The following HHAT variants were observed in gnomAD, a reference collection of about 807,000 sequenced individuals.
HHAT encodes hedgehog acyltransferase.
A neutral mutation model predicts 70.8 loss-of-function variants in HHAT; 47 were observed. That is an observed-to-expected ratio of 0.66 (90% CI 0.53 to 0.85). The LOEUF (loss-of-function observed/expected upper bound fraction) is 0.85, where lower values mean the gene tolerates loss of function less well. Among genes scored for constraint, HHAT ranks in the 40% least tolerant of loss-of-function variants. The probability of loss-of-function intolerance (pLI) is 0.00; values close to 1 mark genes in which losing one functional copy is unlikely to be tolerated. For synonymous variants in HHAT, 228 were observed against 247.6 expected (o/e 0.92, Z 0.74); for missense variants, 609 against 604.8 (o/e 1.01, Z -0.07).
At chr1:210,618,322 G>T (rs1668161831) in intron 10 of HHAT, among the ~76,000 whole-genome samples, 1 of 152,052 alleles carries the variant, frequency 6.6e-6, no homozygotes. Flanking sequence ...TCTGTGGGGT[G>T]TTCACCCCTC....
intron 11 of HHAT, among the ~76,000 whole-genome samples, chr1:210,655,891 C>T (rs1676295597): frequency 6.6e-6 from 1 of 152,022 alleles, no homozygotes; most frequent in Non-Finnish European, 1.5e-5. Context: ...GATTTGAAGA[C>T]CTATATTTTA....
chr1:210,377,965 A>G (rs1426246777), intron 3 of HHAT, among the ~76,000 whole-genome samples: 1 of 152,242 alleles, frequency 6.6e-6, no homozygotes, highest in Non-Finnish European at 1.5e-5. Flanking sequence ...GAAGCATTTT[A>G]TCTTTAAGAA....
intron 9 of HHAT, among the ~76,000 whole-genome samples, chr1:210,582,798 ACTT>A (rs1201229235): frequency 5.3e-5 from 8 of 152,302 alleles, no homozygotes; most frequent in African/African-American, 1.9e-4. Context: ...GAGGGCAACT[ACTT>A]AGTCTGTTCA....
chr1:210,334,915 A>G (rs147807912), intron 1 of HHAT, among the ~76,000 whole-genome samples: 7 of 152,278 alleles, frequency 4.6e-5, no homozygotes, highest in Non-Finnish European at 8.8e-5. Context: ...GAGTAGTCCT[A>G]TATCTACCAA....
chr1:210,384,416 G>A (rs1434488645), intron 3 of HHAT, among the ~76,000 whole-genome samples: 2 of 152,172 alleles, frequency 1.3e-5, no homozygotes, highest in African/African-American at 2.4e-5. Context: ...TCAGCTGTAG[G>A]AAGGCATAAT....
intron 1 of HHAT, among the ~76,000 whole-genome samples, chr1:210,339,679 C>T (rs1415108282): frequency 6.6e-6 from 1 of 152,176 alleles, no homozygotes; most frequent in African/African-American, 2.4e-5. Flanking sequence ...TCATGGCCCC[C>T]TCCAGCCCCA....
intron 8 of HHAT, among the ~76,000 whole-genome samples, chr1:210,471,729 A>G (rs1284067254): frequency 6.6e-6 from 1 of 152,244 alleles, no homozygotes; most frequent in Non-Finnish European, 1.5e-5. Context: ...TTTTTAAACA[A>G]TGTTTTAAAT....
chr1:210,473,788 T>C (rs2094252131), intron 8 of HHAT, among the ~76,000 whole-genome samples: 1 of 152,006 alleles, frequency 6.6e-6, no homozygotes, highest in South Asian at 2.1e-4. Context: ...CAGGTCCTCC[T>C]TGCTAATGAA....
At chr1:210,616,512 CAT>C (rs1667772329) in intron 10 of HHAT, among the ~76,000 whole-genome samples, 1 of 152,172 alleles carries the variant, frequency 6.6e-6, no homozygotes, top group African/African-American at 2.4e-5. Flanking sequence ...TTCTTGAAGA[CAT>C]ATGGCATTTG....
chr1:210,412,886 C>T (rs1161641296), intron 6 of HHAT, among the ~76,000 whole-genome samples: 1 of 152,216 alleles, frequency 6.6e-6, no homozygotes. Flanking sequence ...CAGCCACACC[C>T]CCTCACAGCT....
intron 3 of HHAT, among the ~76,000 whole-genome samples, chr1:210,381,241 A>G (rs2090611134): frequency 6.6e-6 from 1 of 151,904 alleles, no homozygotes; most frequent in South Asian, 2.1e-4. Flanking sequence ...AATTTATTGA[A>G]AGATTTGAAT....
At chr1:210,410,126 C>T in intron 6 of HHAT, among the ~76,000 whole-genome samples, 1 of 151,668 alleles carries the variant, frequency 6.6e-6, no homozygotes, top group East Asian at 1.9e-4. Context: ...GATCTTGGCT[C>T]ACTGCAACCT....
chr1:210,669,461 A>G (rs769075376), intron 11 of HHAT, among the ~76,000 whole-genome samples: 1 of 152,054 alleles, frequency 6.6e-6, no homozygotes, highest in Non-Finnish European at 1.5e-5. Context: ...TATTAACTCT[A>G]CCTATTATGC....
intron 9 of HHAT, among the ~76,000 whole-genome samples, chr1:210,534,547 A>G (rs1022316997): frequency 6.6e-6 from 1 of 152,162 alleles, no homozygotes; most frequent in Admixed American, 6.5e-5. Flanking sequence ...AGAATTTGGA[A>G]TATTTGCATA....
chr1:210,516,791 T>C (rs1338605425), intron 9 of HHAT, among the ~76,000 whole-genome samples: 2 of 152,120 alleles, frequency 1.3e-5, no homozygotes, highest in Non-Finnish European at 1.5e-5. Context: ...TCTTTTAAAT[T>C]GATGGAAGTC....
intron 9 of HHAT, among the ~76,000 whole-genome samples, chr1:210,535,450 T>G (rs1285440475): frequency 5.1e-4 from 77 of 151,608 alleles, no homozygotes; most frequent in African/African-American, 1.7e-3. Context: ...TGTGTGTGTG[T>G]GTGTGGGGTA....
intron 9 of HHAT, among the ~76,000 whole-genome samples, chr1:210,536,080 C>T (rs1216498399): frequency 6.6e-6 from 1 of 152,174 alleles, no homozygotes; most frequent in East Asian, 1.9e-4. Context: ...TTGGCTGCCT[C>T]AATGTGGTGG....
At chr1:210,432,616 C>T (rs12117930) in intron 7 of HHAT, among the ~76,000 whole-genome samples, 65,727 of 151,686 alleles carry the variant, frequency 0.43, 14,714 homozygotes, top group Admixed American at 0.53. Context: ...TTAACTGCCA[C>T]GTAGTCTTAG....
At chr1:210,404,294 T>C (rs755503811) in intron 5 of HHAT, among the ~76,000 whole-genome samples, 170 bp from the exon 6 acceptor site, 1 of 152,170 alleles carries the variant, frequency 6.6e-6, no homozygotes, top group African/African-American at 2.4e-5. Context: ...TGTTCATTGG[T>C]TCTCGACTGC....
Sources: allele counts gnomAD v4.1 joint callset (sites outside exome capture counted in the v4.1 genomes callset), GRCh38; gene constraint gnomAD v4.1.1; transcripts MANE v1.5; gene names NCBI Gene and HGNC (gene_info 2026-07-23, HGNC 2026-07-21).